Variants in DYNC1I1 observed in about 807,000 individuals in gnomAD.
DYNC1I1 encodes cytoplasmic dynein 1 intermediate chain 1.
DYNC1I1 carries 43 observed loss-of-function variants against 86.6 expected under a neutral mutation model. The ratio of observed to expected loss-of-function variants is 0.50; its 90% CI spans 0.39 to 0.64. The LOEUF (loss-of-function observed/expected upper bound fraction) is 0.64. DYNC1I1 is among the 30% of genes least tolerant of loss of function. The probability of loss-of-function intolerance (pLI) is 0.00; values close to 1 mark genes in which losing one functional copy is unlikely to be tolerated. For synonymous variants in DYNC1I1, 262 were observed against 283.7 expected (o/e 0.92, Z 0.77); for missense variants, 604 against 788.8 (o/e 0.77, Z 2.81).
chr7:96,028,438 T>A, intron 11 of DYNC1I1, 117 bp downstream of exon 11: 2 of 1,343,674 alleles, frequency 1.5e-6, no homozygotes, highest in Non-Finnish European at 2.0e-6. Flanking sequence ...TCTACTTTAT[T>A]ATGATTGAAT....
chr7:95,949,138 T>C (rs1282891898), intron 6 of DYNC1I1, among the ~76,000 whole-genome samples: 1 of 151,942 alleles, frequency 6.6e-6, no homozygotes, highest in Non-Finnish European at 1.5e-5. Context: ...CAAGGAGAAA[T>C]TAAGGAGGGT....
intron 5 of DYNC1I1, among the ~76,000 whole-genome samples, chr7:95,854,668 G>A (rs1472510010): frequency 6.6e-6 from 1 of 151,916 alleles, no homozygotes; most frequent in Admixed American, 6.6e-5. Flanking sequence ...TGTGTTACTC[G>A]TGTTAAAATA....
At chr7:95,959,327 T>G (rs1792802172) in intron 6 of DYNC1I1, among the ~76,000 whole-genome samples, 1 of 152,170 alleles carries the variant, frequency 6.6e-6, no homozygotes, top group Non-Finnish European at 1.5e-5. Flanking sequence ...CCAGCAACAT[T>G]GGAAGGGTTC....
At chr7:95,983,493 C>T (rs1205959855) in intron 7 of DYNC1I1, among the ~76,000 whole-genome samples, 1 of 152,010 alleles carries the variant, frequency 6.6e-6, no homozygotes, top group African/African-American at 2.4e-5. Context: ...CTCCAGACCC[C>T]CTGCCTCATG....
At chr7:96,033,383 G>T (rs1584265495) in intron 12 of DYNC1I1, among the ~76,000 whole-genome samples, 1 of 152,158 alleles carries the variant, frequency 6.6e-6, no homozygotes, top group East Asian at 1.9e-4. Context: ...GAATAGAAGT[G>T]GGAGAGGCTG....
At chr7:95,779,336 T>A (rs925088634) in intron 1 of DYNC1I1, among the ~76,000 whole-genome samples, 2 of 152,198 alleles carry the variant, frequency 1.3e-5, no homozygotes, top group Non-Finnish European at 2.9e-5. Flanking sequence ...AGAGATCAGA[T>A]ATCCCACTTA....
intron 14 of DYNC1I1, among the ~76,000 whole-genome samples, chr7:96,065,358 TTTTCTTTTTTTCTTTC>T (rs1789938626): frequency 6.9e-6 from 1 of 145,952 alleles, no homozygotes; most frequent in Non-Finnish European, 1.5e-5. Context: ...CTCCCCACTC[TTTTCTTTTTTTCTTTC>T]TTTCTTTTTT....
chr7:95,873,034 G>A (rs112401028), intron 6 of DYNC1I1, among the ~76,000 whole-genome samples: 106 of 152,260 alleles, frequency 7.0e-4, no homozygotes, highest in African/African-American at 2.4e-3. Flanking sequence ...TTCCCCCTGG[G>A]GGAATGAGAA....
intron 10 of DYNC1I1, among the ~76,000 whole-genome samples, chr7:96,019,839 C>T (rs1030270061): frequency 1.3e-5 from 2 of 151,946 alleles, no homozygotes; most frequent in African/African-American, 4.8e-5. Flanking sequence ...AAGAAGAGTC[C>T]TCTGGACCAC....
At chr7:95,870,586 A>AGTT in intron 6 of DYNC1I1, among the ~76,000 whole-genome samples, 1 of 152,244 alleles carries the variant, frequency 6.6e-6, no homozygotes, top group African/African-American at 2.4e-5. Flanking sequence ...TTGCCAATTG[A>AGTT]GGTAACAACA....
chr7:96,054,970 T>C (rs1171948422), intron 14 of DYNC1I1, among the ~76,000 whole-genome samples: 1 of 152,230 alleles, frequency 6.6e-6, no homozygotes, highest in Non-Finnish European at 1.5e-5. Context: ...TTTAGTTGTA[T>C]TAGATCTCAT....
intron 6 of DYNC1I1, among the ~76,000 whole-genome samples, chr7:95,925,169 G>A (rs1791711017): frequency 6.6e-6 from 1 of 152,144 alleles, no homozygotes; most frequent in African/African-American, 2.4e-5. Flanking sequence ...CTGGGTGGCT[G>A]GGATGGTTCA....
At chr7:95,856,150 CT>C (rs796582345) in intron 5 of DYNC1I1, among the ~76,000 whole-genome samples, 151 of 151,612 alleles carry the variant, frequency 1.0e-3, no homozygotes, top group African/African-American at 3.3e-3. Context: ...TTCTATTTAA[CT>C]TTTTTTTTCC....
chr7:96,038,957 T>A (rs929834659), intron 13 of DYNC1I1, among the ~76,000 whole-genome samples: 1 of 152,204 alleles, frequency 6.6e-6, no homozygotes, highest in African/African-American at 2.4e-5. Context: ...TGTATTTGTT[T>A]CCATTAAAAT....
At chr7:96,010,418 A>G (rs1345432202) in intron 10 of DYNC1I1, among the ~76,000 whole-genome samples, 4 of 152,192 alleles carry the variant, frequency 2.6e-5, no homozygotes, top group African/African-American at 7.2e-5. Flanking sequence ...ATGTTTGGGG[A>G]TGGCTGGTGA....
chr7:95,797,335 GA>G (rs1794466769), intron 1 of DYNC1I1, among the ~76,000 whole-genome samples: 1 of 152,160 alleles, frequency 6.6e-6, no homozygotes, highest in Non-Finnish European at 1.5e-5. Flanking sequence ...GTCACTTCAA[GA>G]ACACAACTGA....
chr7:95,855,449 C>T (rs1160970210), intron 5 of DYNC1I1, among the ~76,000 whole-genome samples: 1 of 152,112 alleles, frequency 6.6e-6, no homozygotes, highest in Non-Finnish European at 1.5e-5. Flanking sequence ...GACTGGAGAC[C>T]ATTGATCATC....
chr7:95,863,175 T>C (rs1018427251), intron 5 of DYNC1I1, among the ~76,000 whole-genome samples: 4 of 152,172 alleles, frequency 2.6e-5, no homozygotes, highest in South Asian at 2.1e-4. Flanking sequence ...CAATGAAATC[T>C]TATCCATCAA....
chr7:95,897,109 C>A (rs1411940900), intron 6 of DYNC1I1, among the ~76,000 whole-genome samples: 1 of 152,036 alleles, frequency 6.6e-6, no homozygotes, highest in Non-Finnish European at 1.5e-5. Context: ...AAAAGGGAAG[C>A]CTTTAATTGG....
Sources: allele counts gnomAD v4.1 joint callset (sites outside exome capture counted in the v4.1 genomes callset), GRCh38; gene constraint gnomAD v4.1.1; transcripts MANE v1.5; gene names NCBI Gene and HGNC (gene_info 2026-07-23, HGNC 2026-07-21).